Variants in ZNF740 observed in about 807,000 individuals in gnomAD.
ZNF740 encodes oriLyt TD-element-binding protein 7.
ZNF740 carries 14 observed loss-of-function variants against 24.8 expected under a neutral mutation model. That is an observed-to-expected ratio of 0.56 (90% CI 0.37 to 0.88). ZNF740 has a LOEUF of 0.88. Among genes scored for constraint, ZNF740 ranks in the 40% least tolerant of loss-of-function variants. ZNF740 has a pLI of 0.00. For synonymous variants in ZNF740, 69 were observed against 84.0 expected, an observed-to-expected ratio of 0.82 and a Z score of 0.98; for missense variants, 201 against 247.9, an observed-to-expected ratio of 0.81 and a Z score of 1.27.
chr12:53,185,829 C>A, intron 4 of ZNF740, 125 bp from the exon 5 acceptor site: 3 of 1,310,774 alleles, frequency 2.3e-6, no homozygotes, highest in Non-Finnish European at 3.1e-6. Flanking sequence ...CAGGAGATGG[C>A]AGCACCTTTA....
chr12:53,187,280 A>G (rs1941842017), intron 6 of ZNF740, among the ~76,000 whole-genome samples: 1 of 152,160 alleles, frequency 6.6e-6, no homozygotes, highest in Non-Finnish European at 1.5e-5. Flanking sequence ...GCTGTTAGGT[A>G]ACTTGCCCAA....
intron 4 of ZNF740, 36 bp from the exon 5 acceptor site, chr12:53,185,918 T>C (rs1206440254): frequency 1.9e-6 from 3 of 1,610,226 alleles, no homozygotes; most frequent in Non-Finnish European, 2.5e-6. Flanking sequence ...AAGAGGGCAG[T>C]GGTGGCCTCA....
intron 1 of ZNF740, 143 bp downstream of exon 1, chr12:53,180,980 G>A: frequency 1.3e-6 from 1 of 772,952 alleles, no homozygotes; most frequent in Non-Finnish European, 1.6e-6. Context: ...CTCCGGGGGA[G>A]GGAGGGGAAA....
chr12:53,186,345 A>G (rs200437281), intron 5 of ZNF740, 46 bp from the exon 6 acceptor site: 66 of 1,491,722 alleles, frequency 4.4e-5, no homozygotes, highest in Non-Finnish European at 5.5e-5. Flanking sequence ...TGAGGTCCCT[A>G]CTGTACATAC....
Position 53,191,417 on chromosome 12 carries a change from A to C in ZNF740, c.*3827A>C. 1.4e-6 allele frequency: 1 copy of C among 720,766 alleles called. No homozygotes were observed. The highest frequency in any genetic ancestry group is 2.5e-6 in the Non-Finnish European group (1 of 404,114). 44.6% of individuals were successfully genotyped at this position (720,766 alleles called of 1,614,324 possible). A position where few individuals can be genotyped will look rare whatever the true frequency, so the allele number is the denominator to read the frequency against. On this transcript the variant is annotated 3_prime_UTR_variant, in exon 7 of 7. Transcript: ENST00000416904. ...AGCAGCCCTCTTGGGTGTCACTCTG[A>C]AAATGAAGTAGGGTGGTGGCCGCAC...
Position 53,193,156 on chromosome 12 carries a change from C to T in ZNF740, c.*5566C>T, listed in dbSNP as rs532145547. The T allele has an allele frequency of 8.1e-6, 13 of 1,611,642 alleles. No homozygotes were observed. In the South Asian group the frequency reaches 1.2e-4, roughly 15 times the overall value. The stretch of plus-strand genomic sequence containing the variant: ...TCCAGGTACCTCCGCAGAGGATGCC[C>T]TCATGTCGCTCACAGCTGGCATCGT... On this transcript the variant is annotated 3_prime_UTR_variant, in exon 7 of 7. Transcript: ENST00000416904.
intron 5 of ZNF740, 73 bp downstream of exon 5, chr12:53,186,150 A>G (rs993849466): frequency 3.9e-6 from 6 of 1,550,290 alleles, no homozygotes; most frequent in South Asian, 1.2e-5. Context: ...TTGTGGCTCT[A>G]GTTGGGTTTA....
In ZNF740 at chr12:53,193,022, CT is replaced by C; in HGVS notation, c.*5433del. Reference sequence around the variant, plus strand: ...CTTTTTGAAGTATGCCAACCACACCCTCTAACCCATACACCGGAATCTTTTG... The same window carrying C: ...CTTTTTGAAGTATGCCAACCACACCCCTAACCCATACACCGGAATCTTTTG... On this transcript the variant is annotated 3_prime_UTR_variant, in exon 7 of 7. Transcript: ENST00000416904. The C allele has an allele frequency of 1.5e-6, 2 of 1,358,190 alleles. No individual in the cohort carries two copies. Among genetic ancestry groups the C allele is most frequent in the Non-Finnish European group, 2.1e-6 (2 of 972,144 alleles). 84.1% of individuals were successfully genotyped at this position (1,358,190 alleles called of 1,614,324 possible).
rs1941657662 is a variant in ZNF740, at chr12:53,181,865, T to G, written c.-119T>G. The G allele has an allele frequency of 7.8e-7, 1 of 1,286,086 alleles. No homozygotes were observed. Among genetic ancestry groups the G allele is most frequent in the Non-Finnish European group, 1.1e-6 (1 of 912,230 alleles). The allele number at this position is 1,286,086 out of a possible 1,614,324, so 79.7% of individuals were successfully genotyped here. A position where few individuals can be genotyped will look rare whatever the true frequency, so the allele number is the denominator to read the frequency against. ...AAGTTCAATATGGCAACAGGACTGA[T>G]GGGACACGAAGGAGTCGCTACCGTG... On this transcript the variant is annotated 5_prime_UTR_variant, in exon 2 of 7. It removes an upstream start codon present in the reference 5' UTR. Transcript: ENST00000416904.
At chr12:53,180,931 G>C (rs1941568341) in intron 1 of ZNF740, 94 bp downstream of exon 1, 3 of 1,057,174 alleles carry the variant, frequency 2.8e-6, no homozygotes, top group South Asian at 4.2e-5. Context: ...GGAAGGGGGA[G>C]GGGAGGGGAG....
At chr12:53,180,984 G>T in intron 1 of ZNF740, 147 bp downstream of exon 1, 1 of 783,912 alleles carries the variant, frequency 1.3e-6, no homozygotes, top group Non-Finnish European at 1.6e-6. Flanking sequence ...GGGGGAGGGA[G>T]GGGAAAGGCC....
Position 53,193,539 on chromosome 12 carries a change from CAG to C in ZNF740, c.*5950_*5951del, listed in dbSNP as rs528056873. Reference sequence around the variant, plus strand: ...GTGAGAGAGTGGAGGGAGCCCCAGTCAGGGGGAGGGCCTGGACATACATGGGA... The same window carrying C: ...GTGAGAGAGTGGAGGGAGCCCCAGTCGGGGAGGGCCTGGACATACATGGGA... On this transcript the variant is annotated 3_prime_UTR_variant, in exon 7 of 7. Transcript: ENST00000416904. 73 of 749,954 alleles carry C rather than the reference CAG, an allele frequency of 9.7e-5. No homozygotes were observed. Among genetic ancestry groups the C allele is most frequent in the African/African-American group, 1.6e-4 (9 of 56,448 alleles). The allele number at this position is 749,954 out of a possible 1,614,324, so 46.5% of individuals were successfully genotyped here.
At position 53,180,825 on chromosome 12, in the gene ZNF740, C is replaced by T; in HGVS notation, c.-320C>T. Reference sequence around the variant, plus strand: ...GCGCGGCCAGGGAGCCAGCGGGAGGCCGCGCCTGGCAGGTAGGAGCAAGCC... The same window carrying T: ...GCGCGGCCAGGGAGCCAGCGGGAGGTCGCGCCTGGCAGGTAGGAGCAAGCC... On this transcript the variant is annotated 5_prime_UTR_variant, in exon 1 of 7. Coordinates refer to ENST00000416904, the MANE Select transcript of ZNF740 (RefSeq NM_001004304.4). The T allele has an allele frequency of 7.9e-7, 1 of 1,271,154 alleles. No individual in the cohort carries two copies. Among genetic ancestry groups the T allele is most frequent in the East Asian group, 6.5e-5 (1 of 15,324 alleles). The allele number at this position is 1,271,154 out of a possible 1,614,324, so 78.7% of individuals were successfully genotyped here.
rs1941882715 is a variant in ZNF740, at chr12:53,189,238, A to G, written c.*1648A>G. Reference sequence around the variant, plus strand: ...TCTTTCTGCTAAAGAAAGAATCCTTATGGGAAGTTTTGGGGTTTGGTTGAC... The same window carrying G: ...TCTTTCTGCTAAAGAAAGAATCCTTGTGGGAAGTTTTGGGGTTTGGTTGAC... On this transcript the variant is annotated 3_prime_UTR_variant, in exon 7 of 7. Transcript: ENST00000416904. 1 of 152,012 alleles carries G rather than the reference A, an allele frequency of 6.6e-6. No individual in the cohort carries two copies. Among genetic ancestry groups the G allele is most frequent in the Non-Finnish European group, 1.5e-5 (1 of 67,982 alleles). 9.4% of individuals were successfully genotyped at this position (152,012 alleles called of 1,614,324 possible). A position where few individuals can be genotyped will look rare whatever the true frequency, so the allele number is the denominator to read the frequency against.
In ZNF740 at chr12:53,180,796, C is replaced by A. The variant is rs1407843925; in HGVS notation, c.-349C>A. The A allele has an allele frequency of 8.7e-6, 11 of 1,271,426 alleles. No individual in the cohort carries two copies. In the African/African-American group the frequency reaches 1.7e-4, roughly 20 times the overall value. The allele number at this position is 1,271,426 out of a possible 1,614,324, so 78.8% of individuals were successfully genotyped here. On this transcript the variant is annotated 5_prime_UTR_variant, in exon 1 of 7. Transcript: ENST00000416904. The stretch of plus-strand genomic sequence containing the variant: ...AGGGTGTGCTGGGGCCTGGAGGAGG[C>A]GCCGCGCGGCCAGGGAGCCAGCGGG...
rs1287041154 is a variant in ZNF740, at chr12:53,187,853, A to T, written c.*263A>T. 1 of 473,316 alleles carries T rather than the reference A, an allele frequency of 2.1e-6. No homozygotes were observed. Among genetic ancestry groups the T allele is most frequent in the African/African-American group, 2.0e-5 (1 of 51,186 alleles). The allele number at this position is 473,316 out of a possible 1,614,324, so 29.3% of individuals were successfully genotyped here. A position where few individuals can be genotyped will look rare whatever the true frequency, so the allele number is the denominator to read the frequency against. ...AGTCCCTGGACCCTTGGCTGAGGTC[A>T]TAGGTGGGGACTCAAGGTACAGGAC... On this transcript the variant is annotated 3_prime_UTR_variant, in exon 7 of 7. Coordinates refer to ENST00000416904, the MANE Select transcript of ZNF740 (RefSeq NM_001004304.4).
Position 53,191,859 on chromosome 12 carries a change from C to T in ZNF740, c.*4269C>T. ...GGGCCTAACCAGGAAGTCTCCTCACCTGCTTCCAGTTGAGTTGTTGCTGCT... is the reference window on the plus strand; with the variant it reads ...GGGCCTAACCAGGAAGTCTCCTCACTTGCTTCCAGTTGAGTTGTTGCTGCT... On this transcript the variant is annotated 3_prime_UTR_variant, in exon 7 of 7. Transcript: ENST00000416904. The T allele has an allele frequency of 6.2e-7, 1 of 1,613,628 alleles. No homozygotes were observed. Among genetic ancestry groups the T allele is most frequent in the East Asian group, 2.2e-5 (1 of 44,864 alleles).
Position 53,193,643 on chromosome 12 carries a change from G to A in ZNF740, c.*6053G>A. 2.9e-6 allele frequency: 4 copies of A among 1,380,828 alleles called. No homozygotes were observed. The highest frequency in any genetic ancestry group is 4.0e-6 in the Non-Finnish European group (4 of 1,006,780). 85.5% of individuals were successfully genotyped at this position (1,380,828 alleles called of 1,614,324 possible). ...GTGGGGGGGATGGAAAGCAGCGGAG[G>A]AATACGGGCCAGGGTTGGTTGGTTG... On this transcript the variant is annotated 3_prime_UTR_variant, in exon 7 of 7. Coordinates refer to ENST00000416904, the MANE Select transcript of ZNF740 (RefSeq NM_001004304.4).
rs1318969150 is a variant in ZNF740 at position 53,185,429 on chromosome 12, G to A, written c.202G>A (p.Asp68Asn). ...DSDKSRSRKD[D>N]DSLSEASHSK... ...TGATAAGTCCCGGAGCCGCAAAGAT[G>A]ATGACAGCTTGTCTGAGGCCTCTCA... Residue 68 changes from aspartate (D) to asparagine (N), a missense_variant, in exon 4 of 7, where the codon GAT becomes AAT. Asp to Asn is a conservative substitution (Grantham distance 23, BLOSUM62 1). This residue lies in a region of ZNF740 where 117 missense variants were observed against 122.3 expected (regional missense o/e 0.96). Coordinates refer to ENST00000416904, the MANE Select transcript of ZNF740 (RefSeq NM_001004304.4). 2 of 1,614,020 alleles carry A rather than the reference G, an allele frequency of 1.2e-6. No individual in the cohort carries two copies. The highest frequency in any genetic ancestry group is 1.1e-5 in the South Asian group (1 of 91,078).
Sources: allele counts gnomAD v4.1 joint callset (sites outside exome capture counted in the v4.1 genomes callset), GRCh38; gene constraint gnomAD v4.1.1; regional missense constraint gnomAD v4.1.1; transcripts MANE v1.5; gene names NCBI Gene and HGNC (gene_info 2026-07-23, HGNC 2026-07-21).